PARD3B: variants seen among roughly 807,000 people sequenced by gnomAD.
PARD3B encodes the protein partitioning defective 3 homolog B.
Under a neutral mutation model 130.2 loss-of-function variants are expected in PARD3B, and 103 were observed. The ratio of observed to expected loss-of-function variants is 0.79; its 90% CI spans 0.67 to 0.93. PARD3B has a LOEUF of 0.93. PARD3B is among the 40% of genes least tolerant of loss of function. The pLI, the probability that PARD3B is intolerant of heterozygous loss-of-function variation, is 0.00. For missense variants in PARD3B, 1,609 were observed against 1,499.2 expected, an observed-to-expected ratio of 1.07 and a Z score of -1.21; for synonymous variants, 583 against 553.2, an observed-to-expected ratio of 1.05 and a Z score of -0.76.
In PARD3B at chr2:204,727,534, A is replaced by G. The variant is rs185345428; in HGVS notation, c.222+41252A>G. Among the ~76,000 whole-genome samples the G allele has an allele frequency of 3.2e-3, 491 of 152,316 alleles. 2 individuals are homozygous for G. Among genetic ancestry groups the G allele is most frequent in the African/African-American group, 0.011 (466 of 41,586 alleles). ...GACAAGGCTCATAGATTTGGAAGGAAGACTTTTATTTCTCATAAAGAGTTG... is the reference window on the plus strand; with the variant it reads ...GACAAGGCTCATAGATTTGGAAGGAGGACTTTTATTTCTCATAAAGAGTTG... On this transcript the variant is annotated intron_variant, in intron 2 of 22. Coordinates refer to ENST00000406610, the MANE Select transcript of PARD3B (RefSeq NM_001302769.2).
At chr2:204,575,226 C>T (rs2032198633) in intron 1 of PARD3B, among the ~76,000 whole-genome samples, 2 of 152,274 alleles carry the variant, frequency 1.3e-5, no homozygotes, top group South Asian at 2.1e-4. Context: ...AACAAACATT[C>T]ATTGCTGTGT....
At chr2:205,223,691 T>C (rs1408629229) in intron 15 of PARD3B, among the ~76,000 whole-genome samples, 1 of 152,182 alleles carries the variant, frequency 6.6e-6, no homozygotes, top group East Asian at 1.9e-4. Context: ...ATAATATCCT[T>C]ATGTAGGAAA....
rs569935093 is a variant in PARD3B at position 204,610,450 on chromosome 2, T to C, written c.120+64331T>C. Among the ~76,000 whole-genome samples, 1 of 152,226 alleles carries C rather than the reference T, an allele frequency of 6.6e-6. No individual in the cohort carries two copies. The highest frequency in any genetic ancestry group is 6.5e-5 in the Admixed American group (1 of 15,278). ...GGCTTACTGCAACCTCGACCTCCCA[T>C]GTTAAAGCGATTCTCCTGCGTCAGC... On this transcript the variant is annotated intron_variant, in intron 1 of 22. Coordinates refer to ENST00000406610, the MANE Select transcript of PARD3B (RefSeq NM_001302769.2). The surrounding 1 kb of genome is among the most constrained non-coding windows in gnomAD (Gnocchi z 4.1).
In PARD3B at chr2:205,519,053, A is replaced by C. The variant is rs1239186640; in HGVS notation, c.3180+19022A>C. Among the ~76,000 whole-genome samples the C allele has an allele frequency of 2.0e-5, 3 of 151,988 alleles. No homozygotes were observed. In the East Asian group the frequency reaches 5.8e-4, roughly 29 times the overall value. ...CATTTCAACCTTGGAAAATCTGATG[A>C]TTGTGTGTCTTGGGGATGATTTTCT... On this transcript the variant is annotated intron_variant, in intron 21 of 22. Transcript: ENST00000406610.
chr2:205,014,374 G>A (rs981902404), intron 3 of PARD3B, among the ~76,000 whole-genome samples: 1 of 152,192 alleles, frequency 6.6e-6, no homozygotes, highest in African/African-American at 2.4e-5. Flanking sequence ...GGCATCCACA[G>A]GGTAGAACTT....
At chr2:205,541,383 T>C (rs2052128867) in intron 21 of PARD3B, among the ~76,000 whole-genome samples, 1 of 151,304 alleles carries the variant, frequency 6.6e-6, no homozygotes, top group Non-Finnish European at 1.5e-5. Flanking sequence ...AGTTTCGCTC[T>C]TGTTGCCCAG....
intron 15 of PARD3B, among the ~76,000 whole-genome samples, chr2:205,220,482 C>T (rs192851767): frequency 2.6e-5 from 4 of 152,310 alleles, no homozygotes; most frequent in Admixed American, 2.6e-4. Flanking sequence ...TACCAACTTT[C>T]AAGGTTCTCT....
chr2:205,080,940 G>A (rs1701368964), intron 4 of PARD3B, among the ~76,000 whole-genome samples: 1 of 151,970 alleles, frequency 6.6e-6, no homozygotes, highest in Admixed American at 6.6e-5. Flanking sequence ...TATATAGATA[G>A]GTCTCTTGCC....
rs2029904619 is a variant in PARD3B at position 204,546,045 on chromosome 2, T to A, written c.46T>A (p.Cys16Ser). Residue 16 changes from cysteine (C) to serine (S), a missense_variant, in exon 1 of 23, where the codon TGC becomes AGC. Cys to Ser is a moderately radical substitution (Grantham distance 112). Coordinates refer to ENST00000406610, the MANE Select transcript of PARD3B (RefSeq NM_001302769.2). Reference sequence around the variant, plus strand: ...CGGCAGGACGGGCATCGTGGTGCCCTGCAAGGAGGGCCAGCTGCGCGTCGG... The same window carrying A: ...CGGCAGGACGGGCATCGTGGTGCCCAGCAAGGAGGGCCAGCTGCGCGTCGG... ...CFGRTGIVVPCKEGQLRVGEL... is the reference protein window; with the variant it reads ...CFGRTGIVVPSKEGQLRVGEL... 6.4e-7 allele frequency: 1 copy of A among 1,566,754 alleles called. No homozygotes were observed. Among genetic ancestry groups the A allele is most frequent in the Admixed American group, 1.8e-5 (1 of 55,114 alleles).
rs766462122 is a variant in PARD3B at position 205,440,651 on chromosome 2, A to G, written c.3023A>G (p.His1008Arg). The G allele has an allele frequency of 1.7e-5, 28 of 1,613,454 alleles. No individual in the cohort carries two copies. Among genetic ancestry groups the G allele is most frequent in the Non-Finnish European group, 2.1e-5 (25 of 1,179,530 alleles). Residue 1008 changes from histidine to arginine, a missense_variant, in exon 20 of 23, where the codon CAT becomes CGT. Transcript: ENST00000406610. The surrounding 1 kb of genome is among the most constrained non-coding windows in gnomAD (Gnocchi z 4.2). ...TATGCCAAGGTCAACAAGCCATACC[A>G]TCCACTGGTTCCAGCTGACAGGTAA... The part of the protein sequence containing the change: ...GLYAKVNKPY[H>R]PLVPADSGRP...
At chr2:204,570,307 T>C (rs1030836785) in intron 1 of PARD3B, among the ~76,000 whole-genome samples, 1 of 152,156 alleles carries the variant, frequency 6.6e-6, no homozygotes, top group Non-Finnish European at 1.5e-5. Context: ...GCTGTGTTTA[T>C]GAAAGAGACA....
chr2:204,859,761 A>G (rs1367662370), intron 2 of PARD3B, among the ~76,000 whole-genome samples: 1 of 152,172 alleles, frequency 6.6e-6, no homozygotes, highest in East Asian at 1.9e-4. Context: ...GCAGTAACAA[A>G]TCTAGAAAGA....
intron 2 of PARD3B, among the ~76,000 whole-genome samples, chr2:204,784,792 A>G (rs554622465): frequency 1.6e-4 from 25 of 152,300 alleles, no homozygotes; most frequent in African/African-American, 5.8e-4. Flanking sequence ...TTTGTTACCC[A>G]CCTTTCCTTG....
At chr2:204,996,555 A>G (rs1454538352) in intron 3 of PARD3B, among the ~76,000 whole-genome samples, 2 of 151,658 alleles carry the variant, frequency 1.3e-5, no homozygotes, top group Non-Finnish European at 2.9e-5. Context: ...CCCTGCCCCC[A>G]GAGGTGGAGC....
chr2:205,310,874 C>A (rs1289926595), intron 18 of PARD3B, among the ~76,000 whole-genome samples: 1 of 151,838 alleles, frequency 6.6e-6, no homozygotes, highest in Non-Finnish European at 1.5e-5. Flanking sequence ...CAGGTGCCTG[C>A]CACCACACCC....
At chr2:205,217,860 GTGTGTGTGTA>G (rs1213723680) in intron 15 of PARD3B, among the ~76,000 whole-genome samples, 1,784 of 86,254 alleles carry the variant, frequency 0.021, 18 homozygotes, top group East Asian at 0.061. Flanking sequence ...GTGTGTGTGT[GTGTGTGTGTA>G]TATATATATA....
intron 4 of PARD3B, among the ~76,000 whole-genome samples, chr2:205,053,347 C>A (rs1439522740): frequency 6.8e-6 from 1 of 148,072 alleles, no homozygotes; most frequent in East Asian, 2.1e-4. Context: ...CTATCAAAAT[C>A]CAACATAAGG....
chr2:205,177,534 A>C (rs530392816), intron 13 of PARD3B, among the ~76,000 whole-genome samples: 1 of 152,308 alleles, frequency 6.6e-6, no homozygotes, highest in East Asian at 1.9e-4. Flanking sequence ...AGTACCATAT[A>C]TTATGTAATC....
At chr2:205,133,455 A>G (rs2125652022) in intron 10 of PARD3B, among the ~76,000 whole-genome samples, 1 of 152,236 alleles carries the variant, frequency 6.6e-6, no homozygotes, top group East Asian at 1.9e-4. Context: ...GAAATTCTGG[A>G]GGTGGGCTTA....
Sources: allele counts gnomAD v4.1 joint callset (sites outside exome capture counted in the v4.1 genomes callset), GRCh38; gene constraint gnomAD v4.1.1; non-coding constraint Gnocchi (gnomAD v3.1); transcripts MANE v1.5; gene names NCBI Gene and HGNC (gene_info 2026-07-23, HGNC 2026-07-21).